Variants in DCC observed in about 807,000 individuals in gnomAD.
The protein encoded by DCC is DCC netrin 1 receptor.
Under a neutral mutation model 172.5 loss-of-function variants are expected in DCC, and 58 were observed. The ratio of observed to expected loss-of-function variants is 0.34; its 90% confidence interval spans 0.27 to 0.42. The LOEUF (loss-of-function observed/expected upper bound fraction) is 0.42. DCC is among the 10% of genes least tolerant of loss of function. The pLI is 1.00. For missense variants in DCC, 1,740 were observed against 1,791.0 expected (o/e 0.97, Z 0.51); for synonymous variants, 709 against 644.5 (o/e 1.10, Z -1.52).
rs200077466 is a variant in DCC, at chr18:53,205,174, C to T, written c.1574-42C>T. On this transcript the variant is annotated intron_variant, in intron 9 of 28. Coordinates refer to ENST00000442544, the MANE Select transcript of DCC (RefSeq NM_005215.4). ...GTTTTGAGAACAAAAACCCACTTATCCTAATCACTTTTCTTTCTTTCTTTA... is the reference window on the plus strand; with the variant it reads ...GTTTTGAGAACAAAAACCCACTTATTCTAATCACTTTTCTTTCTTTCTTTA... 1.7e-4 allele frequency: 265 copies of T among 1,546,618 alleles called. 5 individuals carry two copies. The East Asian group carries it at 2.7e-3, about 16-fold the overall frequency.
intron 8 of DCC, among the ~76,000 whole-genome samples, chr18:53,162,298 C>CAAAAAAAAAAAAAAAAAAAA (rs59626358): frequency 8.7e-6 from 1 of 114,780 alleles, no homozygotes; most frequent in African/African-American, 3.2e-5. Flanking sequence ...GACTCTGCCT[C>CAAAAAAAAAAAAAAAAAAAA]AAAAAAAAAA....
At chr18:52,391,363 A>G (rs926326055) in intron 1 of DCC, among the ~76,000 whole-genome samples, 1 of 152,138 alleles carries the variant, frequency 6.6e-6, no homozygotes, top group African/African-American at 2.4e-5. Context: ...GCATATAGCT[A>G]GGCACAAAAG....
chr18:53,178,729 T>C (rs2055147626), intron 8 of DCC, among the ~76,000 whole-genome samples: 1 of 152,214 alleles, frequency 6.6e-6, no homozygotes. Flanking sequence ...GCAAGTTTCA[T>C]GGAAAATGAC....
In DCC at chr18:52,659,233, G is replaced by A. The variant is rs186891950; in HGVS notation, c.92-92821G>A. On this transcript the variant is annotated intron_variant, in intron 1 of 28. Transcript: ENST00000442544. The stretch of plus-strand genomic sequence containing the variant: ...TGATGTAATTATAAATTAATGAATT[G>A]ATAGTCAAGGCTCAGAAATAAACCT... Among the ~76,000 whole-genome samples the A allele has an allele frequency of 5.8e-3, 887 of 152,196 alleles. 3 individuals are homozygous for A. The highest frequency in any genetic ancestry group is 0.011 in the South Asian group (54 of 4,820).
At chr18:52,369,503 G>C (rs898879232) in intron 1 of DCC, among the ~76,000 whole-genome samples, 11 of 151,970 alleles carry the variant, frequency 7.2e-5, no homozygotes, top group African/African-American at 2.7e-4. Flanking sequence ...GTGAATAATC[G>C]AAGAAGGCAG....
At chr18:52,673,292 A>G (rs553943160) in intron 1 of DCC, among the ~76,000 whole-genome samples, 2 of 152,268 alleles carry the variant, frequency 1.3e-5, no homozygotes, top group African/African-American at 4.8e-5. Flanking sequence ...CTAGAATGTC[A>G]CATTTCATTT....
intron 7 of DCC, among the ~76,000 whole-genome samples, chr18:53,098,799 T>C (rs565427269): frequency 6.6e-6 from 1 of 152,260 alleles, no homozygotes; most frequent in Admixed American, 6.5e-5. Context: ...TTGAGCCTAG[T>C]AGTTTGAGAC....
intron 5 of DCC, among the ~76,000 whole-genome samples, chr18:52,986,872 A>C (rs1438853437): frequency 6.6e-6 from 1 of 151,566 alleles, no homozygotes; most frequent in East Asian, 2.0e-4. Flanking sequence ...AGACATATAT[A>C]TGCGCAGTGG....
intron 1 of DCC, among the ~76,000 whole-genome samples, chr18:52,430,271 G>A (rs530380090): frequency 6.6e-6 from 1 of 152,040 alleles, no homozygotes; most frequent in African/African-American, 2.4e-5. Flanking sequence ...GGAAACTGAA[G>A]ATGGCAGCTT....
At chr18:52,917,129 A>AAAAG (rs1555681499) in intron 3 of DCC, among the ~76,000 whole-genome samples, 1 of 146,366 alleles carries the variant, frequency 6.8e-6, no homozygotes, top group Non-Finnish European at 1.5e-5. Flanking sequence ...AAAAAAAAAA[A>AAAAG]AAGAAAACAA....
intron 9 of DCC, among the ~76,000 whole-genome samples, chr18:53,196,051 G>A (rs1175404825): frequency 6.6e-6 from 1 of 152,054 alleles, no homozygotes; most frequent in African/African-American, 2.4e-5. Flanking sequence ...ATCACAATGG[G>A]GAGTAATGAG....
chr18:53,233,822 G>T (rs984893873), intron 12 of DCC, among the ~76,000 whole-genome samples: 1 of 152,122 alleles, frequency 6.6e-6, no homozygotes, highest in African/African-American at 2.4e-5. Flanking sequence ...ATCTCAAAAT[G>T]TATTGGCCAG....
chr18:53,451,935 C>A (rs1280069163), intron 23 of DCC, among the ~76,000 whole-genome samples: 3 of 152,134 alleles, frequency 2.0e-5, no homozygotes, highest in African/African-American at 7.2e-5. Flanking sequence ...TTCTAACCAG[C>A]TGATTTATGA....
intron 26 of DCC, among the ~76,000 whole-genome samples, chr18:53,496,418 CA>C (rs1170919276): frequency 6.6e-6 from 1 of 151,574 alleles, no homozygotes; most frequent in Middle Eastern, 3.2e-3. Context: ...TCAACATCAA[CA>C]AAAAGGATGT....
At chr18:53,435,010 T>G in intron 21 of DCC, 134 bp from the exon 22 acceptor site, 4 of 746,452 alleles carry the variant, frequency 5.4e-6, no homozygotes, top group East Asian at 2.5e-5. Flanking sequence ...TGTAAGGGTA[T>G]GAGAGTTGTC....
intron 1 of DCC, among the ~76,000 whole-genome samples, chr18:52,469,300 TGCCCACCTCAGGTGGCCATCC>T (rs899182476): frequency 2.0e-5 from 3 of 152,114 alleles, no homozygotes; most frequent in African/African-American, 4.8e-5. Flanking sequence ...TCAGGCCATC[TGCCCACCTCAGGTGGCCATCC>T]GCCCACCTCC....
chr18:52,521,705 T>C (rs1291164590), intron 1 of DCC, among the ~76,000 whole-genome samples: 1 of 152,118 alleles, frequency 6.6e-6, no homozygotes, highest in Admixed American at 6.6e-5. Context: ...TTGAGGAAGT[T>C]ATCGTAATTT....
chr18:53,380,101 A>C (rs1296669143), intron 15 of DCC, among the ~76,000 whole-genome samples: 1 of 152,180 alleles, frequency 6.6e-6, no homozygotes, highest in Non-Finnish European at 1.5e-5. Flanking sequence ...GTCTGGCCAT[A>C]ATTAATGATT....
Position 52,585,639 on chromosome 18 carries a change from A to G in DCC, c.92-166415A>G, listed in dbSNP as rs571582518. 3.3e-5 allele frequency among the ~76,000 whole-genome samples: 5 copies of G among 152,310 alleles called. No individual in the cohort carries two copies. In the South Asian group the frequency reaches 1.0e-3, roughly 32 times the overall value. On this transcript the variant is annotated intron_variant, in intron 1 of 28. Transcript: ENST00000442544. ...CTTCAGAATTCTTTCTTTGGTGGAC[A>G]TGTATGTCAAAGTTGAAGGTAGTTC...
Sources: allele counts gnomAD v4.1 joint callset (sites outside exome capture counted in the v4.1 genomes callset), GRCh38; gene constraint gnomAD v4.1.1; transcripts MANE v1.5; gene names NCBI Gene and HGNC (gene_info 2026-07-23, HGNC 2026-07-21).